Variants in DHX15 observed in about 807,000 individuals in gnomAD.
DHX15 encodes DEAH-box helicase 15.
A neutral mutation model predicts 94.4 loss-of-function variants in DHX15; 11 were observed. The observed-to-expected ratio is 0.12, with a 90% CI of 0.07 to 0.19. The LOEUF is 0.19. Ranked by LOEUF, DHX15 falls within the 10% of genes least tolerant of loss-of-function variation. The probability of loss-of-function intolerance (pLI) is 1.00; values close to 1 mark genes in which losing one functional copy is unlikely to be tolerated. For missense variants in DHX15, 304 were observed against 988.5 expected, an observed-to-expected ratio of 0.31 and a Z score of 9.29; for synonymous variants, 338 against 329.9, an observed-to-expected ratio of 1.02 and a Z score of -0.27.
intron 3 of DHX15, among the ~76,000 whole-genome samples, chr4:24,570,104 A>C (rs1722088380): frequency 6.6e-6 from 1 of 152,228 alleles, no homozygotes; most frequent in Admixed American, 6.5e-5. Flanking sequence ...AAACATTAGA[A>C]AGCTCAATAC....
At chr4:24,584,129 C>A in intron 1 of DHX15, 194 bp downstream of exon 1, 1 of 595,638 alleles carries the variant, frequency 1.7e-6, no homozygotes, top group Non-Finnish European at 2.9e-6. Context: ...GCGGCCCCGT[C>A]GCACGCAACC....
At chr4:24,536,107 C>T (rs1452233283) in intron 11 of DHX15, among the ~76,000 whole-genome samples, 1 of 152,054 alleles carries the variant, frequency 6.6e-6, no homozygotes, top group Non-Finnish European at 1.5e-5. Context: ...TACATTCCAA[C>T]AGCAGCAGCT....
intron 5 of DHX15, among the ~76,000 whole-genome samples, chr4:24,552,531 T>A (rs1721630911): frequency 6.6e-6 from 1 of 152,204 alleles, no homozygotes; most frequent in Non-Finnish European, 1.5e-5. Context: ...TTTATGAGAT[T>A]ACTCAATTTC....
At position 24,556,415 on chromosome 4, in the gene DHX15, A is replaced by G. The variant is rs780973312; in HGVS notation, c.702-5T>C. ...AACATCCCATCAGTCATATACCTAT[A>G]TTCCAAAGAACATGTTGGTTAAAGG... is the stretch of plus-strand genomic sequence containing the variant. On this transcript the variant is annotated splice_region_variant and splice_polypyrimidine_tract_variant and intron_variant, in intron 3 of 13. Transcript: ENST00000336812. 12 of 1,601,140 alleles carry G rather than the reference A, an allele frequency of 7.5e-6. No individual in the cohort carries two copies. The highest frequency in any genetic ancestry group is 9.4e-6 in the Non-Finnish European group (11 of 1,172,732).
intron 13 of DHX15, 50 bp from the exon 14 acceptor site, chr4:24,528,091 A>G: frequency 7.7e-7 from 1 of 1,296,254 alleles, no homozygotes; most frequent in Non-Finnish European, 1.1e-6. Flanking sequence ...TAATTGAAGT[A>G]CTGGAGTTGT....
At chr4:24,550,330 T>A (rs1721568875) in intron 5 of DHX15, among the ~76,000 whole-genome samples, 1 of 152,024 alleles carries the variant, frequency 6.6e-6, no homozygotes, top group Non-Finnish European at 1.5e-5. Flanking sequence ...TTTTTCTTTC[T>A]TCATTAAATT....
intron 3 of DHX15, chr4:24,563,378 T>A (rs1454831421): frequency 2.0e-5 from 3 of 152,076 alleles, no homozygotes; most frequent in Non-Finnish European, 4.4e-5. Flanking sequence ...GCACACTACA[T>A]CCCGGAACTC....
chr4:24,575,357 A>G lies in DHX15; in HGVS notation c.507+886T>C, dbSNP rs200683271. 8.5e-5 allele frequency among the ~76,000 whole-genome samples: 13 copies of G among 152,286 alleles called. No homozygotes were observed. In the East Asian group the frequency reaches 1.7e-3, roughly 20 times the overall value. ...ACTTCAATACTTTCCTGAATTTTTC[A>G]AAGTTTCTACAATGATCAGGGACTG... is the stretch of plus-strand genomic sequence containing the variant. On this transcript the variant is annotated intron_variant, in intron 2 of 13. Transcript: ENST00000336812.
intron 6 of DHX15, among the ~76,000 whole-genome samples, chr4:24,546,643 G>T (rs563278639): frequency 6.0e-4 from 92 of 152,118 alleles, no homozygotes; most frequent in African/African-American, 2.0e-3. Flanking sequence ...ACTTGAAATC[G>T]TTCACCATTA....
intron 3 of DHX15, among the ~76,000 whole-genome samples, chr4:24,562,852 C>A (rs928512264): frequency 6.6e-6 from 1 of 152,152 alleles, no homozygotes; most frequent in Non-Finnish European, 1.5e-5. Flanking sequence ...ACTATCAAAT[C>A]TGTGAGACAA....
intron 2 of DHX15, among the ~76,000 whole-genome samples, chr4:24,575,806 G>C (rs1472559106): frequency 6.6e-6 from 1 of 152,120 alleles, no homozygotes; most frequent in Non-Finnish European, 1.5e-5. Context: ...TAGTTCTATG[G>C]GAGGGAGGAC....
chr4:24,554,276 T>A (rs1200271019), intron 5 of DHX15, among the ~76,000 whole-genome samples: 1 of 152,154 alleles, frequency 6.6e-6, no homozygotes, highest in Non-Finnish European at 1.5e-5. Context: ...AAATTCTAAC[T>A]AAGAACTTTT....
intron 6 of DHX15, among the ~76,000 whole-genome samples, chr4:24,547,768 T>C (rs530820442): frequency 3.3e-5 from 5 of 149,458 alleles, no homozygotes; most frequent in Admixed American, 1.3e-4. Context: ...CCTGGCAACA[T>C]AGTGAGACCC....
intron 6 of DHX15, among the ~76,000 whole-genome samples, chr4:24,544,418 A>T (rs1454626283): frequency 1.3e-5 from 2 of 152,154 alleles, no homozygotes; most frequent in East Asian, 3.8e-4. Flanking sequence ...CAAAAACCAA[A>T]ATGTTTCCTT....
At chr4:24,543,123 T>C in intron 6 of DHX15, 97 bp from the exon 7 acceptor site, 1 of 730,704 alleles carries the variant, frequency 1.4e-6, no homozygotes, top group Non-Finnish European at 2.2e-6. Context: ...CACAAGGAAT[T>C]TCAAGCCAGC....
intron 3 of DHX15, among the ~76,000 whole-genome samples, chr4:24,568,806 T>C (rs1300874928): frequency 1.3e-5 from 2 of 152,220 alleles, no homozygotes; most frequent in Non-Finnish European, 2.9e-5. Context: ...TTTAAAGTAA[T>C]ACAACATAAT....
chr4:24,554,087 G>T (rs566856185), intron 5 of DHX15, among the ~76,000 whole-genome samples: 1 of 151,956 alleles, frequency 6.6e-6, no homozygotes, highest in East Asian at 1.9e-4. Flanking sequence ...GTGTGGTGGC[G>T]GGCACCTGTA....
At position 24,569,271 on chromosome 4, in the gene DHX15, T is replaced by C. The variant is rs1296407046; in HGVS notation, c.701+1383A>G. On this transcript the variant is annotated intron_variant, in intron 3 of 13. Transcript: ENST00000336812. Reference sequence around the variant, plus strand: ...TAAGACTGAAATAGTTAAAAGTCGATGATAAACACATGCAGTTCATTATTC... The same window carrying C: ...TAAGACTGAAATAGTTAAAAGTCGACGATAAACACATGCAGTTCATTATTC... 2.0e-5 allele frequency among the ~76,000 whole-genome samples: 3 copies of C among 152,162 alleles called. No individual in the cohort carries two copies. In the East Asian group the frequency reaches 5.8e-4, roughly 29 times the overall value.
At chr4:24,583,268 A>G (rs887747863) in intron 1 of DHX15, among the ~76,000 whole-genome samples, 11 of 152,340 alleles carry the variant, frequency 7.2e-5, no homozygotes, top group African/African-American at 2.6e-4. Flanking sequence ...GATTTTCACG[A>G]AATTGCTTAA....
Sources: allele counts gnomAD v4.1 joint callset (sites outside exome capture counted in the v4.1 genomes callset), GRCh38; gene constraint gnomAD v4.1.1; transcripts MANE v1.5; gene names NCBI Gene and HGNC (gene_info 2026-07-23, HGNC 2026-07-21).